The following BACH2 variants were observed in gnomAD, a reference collection of about 807,000 sequenced individuals.
BACH2 encodes the protein BACH transcriptional regulator 2, also known as transcription regulator protein BACH2.
A neutral mutation model predicts 61.8 loss-of-function variants in BACH2; 5 were observed. That is an observed-to-expected ratio of 0.08 (90% CI 0.04 to 0.17). BACH2 has a LOEUF of 0.17. Ranked by LOEUF, BACH2 falls within the 10% of genes least tolerant of loss-of-function variation. The pLI, the probability that BACH2 is intolerant of heterozygous loss-of-function variation, is 1.00. For missense variants in BACH2, 824 were observed against 1,091.1 expected, an observed-to-expected ratio of 0.76 and a Z score of 3.45; for synonymous variants, 446 against 440.1, an observed-to-expected ratio of 1.01 and a Z score of -0.17.
chr6:90,145,078 G>A (rs1303515234), intron 4 of BACH2, among the ~76,000 whole-genome samples: 2 of 152,154 alleles, frequency 1.3e-5, no homozygotes, highest in African/African-American at 2.4e-5. Flanking sequence ...TGAGATTATG[G>A]TGGTGATTGC....
intron 6 of BACH2, among the ~76,000 whole-genome samples, chr6:89,964,087 G>C (rs577844123): frequency 1.3e-5 from 2 of 152,054 alleles, no homozygotes; most frequent in African/African-American, 4.8e-5. Flanking sequence ...GGATAGCATC[G>C]GGAGATATAC....
chr6:90,150,162 C>A (rs193172225), intron 4 of BACH2, among the ~76,000 whole-genome samples: 1 of 152,222 alleles, frequency 6.6e-6, no homozygotes, highest in Admixed American at 6.5e-5. Context: ...GATAAGCAAC[C>A]AAGCCCACCC....
chr6:89,984,660 G>A (rs1776142883), intron 6 of BACH2, among the ~76,000 whole-genome samples: 1 of 152,138 alleles, frequency 6.6e-6, no homozygotes, highest in Non-Finnish European at 1.5e-5. Context: ...TCTTTGAGTA[G>A]AGATTATACA....
intron 5 of BACH2, among the ~76,000 whole-genome samples, chr6:90,065,269 A>C (rs910492977): frequency 0.031 from 676 of 21,700 alleles, no homozygotes; most frequent in Admixed American, 0.046. Flanking sequence ...TGCCGCCCCC[A>C]CTTTTTTTTT....
At chr6:90,005,168 G>A (rs1222170175) in intron 6 of BACH2, among the ~76,000 whole-genome samples, 13 of 152,086 alleles carry the variant, frequency 8.5e-5, no homozygotes, top group Admixed American at 7.9e-4. Context: ...GTCGCTGGAC[G>A]GCAGATCTGG....
At chr6:90,133,576 A>G (rs901019501) in intron 4 of BACH2, among the ~76,000 whole-genome samples, 6 of 152,060 alleles carry the variant, frequency 3.9e-5, no homozygotes, top group Non-Finnish European at 4.4e-5. Context: ...GTTTTAGGGT[A>G]CATGTGCACA....
At chr6:90,289,305 T>C (rs556475334) in intron 1 of BACH2, among the ~76,000 whole-genome samples, 1 of 152,240 alleles carries the variant, frequency 6.6e-6, no homozygotes, top group South Asian at 2.1e-4. Context: ...AGTTCTACCA[T>C]TCATTAGCTG....
intron 4 of BACH2, among the ~76,000 whole-genome samples, chr6:90,131,221 T>A (rs1418982823): frequency 6.6e-6 from 1 of 152,204 alleles, no homozygotes; most frequent in Non-Finnish European, 1.5e-5. Flanking sequence ...GACATGTGGA[T>A]GAGAAACATG....
intron 1 of BACH2, among the ~76,000 whole-genome samples, chr6:90,279,174 A>G (rs1178334521): frequency 6.6e-6 from 1 of 152,146 alleles, no homozygotes; most frequent in African/African-American, 2.4e-5. Flanking sequence ...AAAATCTAAA[A>G]TCGAACAAAC....
intron 4 of BACH2, among the ~76,000 whole-genome samples, chr6:90,097,521 C>A (rs1782429294): frequency 6.6e-6 from 1 of 152,198 alleles, no homozygotes; most frequent in African/African-American, 2.4e-5. Context: ...ACCCCATACA[C>A]ACTTTGCCCT....
chr6:90,053,878 A>T (rs1344924207), intron 5 of BACH2, among the ~76,000 whole-genome samples: 1 of 152,168 alleles, frequency 6.6e-6, no homozygotes, highest in Non-Finnish European at 1.5e-5. Context: ...CAGTTTTACT[A>T]CGGTATAAAA....
At chr6:90,156,361 C>T (rs924598429) in intron 4 of BACH2, among the ~76,000 whole-genome samples, 8 of 152,120 alleles carry the variant, frequency 5.3e-5, no homozygotes, top group African/African-American at 1.4e-4. Context: ...GTGCTACTTG[C>T]CCAGGGTGGT....
intron 7 of BACH2, among the ~76,000 whole-genome samples, chr6:89,938,861 G>A (rs1773196024): frequency 6.6e-6 from 1 of 152,106 alleles, no homozygotes; most frequent in Non-Finnish European, 1.5e-5. Flanking sequence ...ACTTGGATAG[G>A]CTTCACTAGC....
At chr6:90,063,192 GTAAT>G (rs1188287489) in intron 5 of BACH2, among the ~76,000 whole-genome samples, 5 of 152,272 alleles carry the variant, frequency 3.3e-5, no homozygotes, top group African/African-American at 1.2e-4. Context: ...TTCAGATGAG[GTAAT>G]TAATTAAGTG....
At chr6:89,940,890 G>A (rs1773388400) in intron 7 of BACH2, among the ~76,000 whole-genome samples, 1 of 149,026 alleles carries the variant, frequency 6.7e-6, no homozygotes, top group Non-Finnish European at 1.5e-5. Context: ...CAAATCCAAA[G>A]CACATTTTAT....
intron 4 of BACH2, among the ~76,000 whole-genome samples, chr6:90,156,251 T>C (rs1009910987): frequency 2.6e-5 from 4 of 152,194 alleles, no homozygotes. Context: ...TACTTTTGTA[T>C]AGCACTTCCC....
chr6:90,038,483 T>C (rs1779372379), intron 5 of BACH2, among the ~76,000 whole-genome samples: 1 of 152,094 alleles, frequency 6.6e-6, no homozygotes, highest in African/African-American at 2.4e-5. Flanking sequence ...TGTATAAGAG[T>C]GGTTTCTTCT....
intron 5 of BACH2, among the ~76,000 whole-genome samples, chr6:90,069,369 TGA>T (rs749353509): frequency 6.6e-6 from 1 of 152,146 alleles, no homozygotes; most frequent in Non-Finnish European, 1.5e-5. Context: ...CCCCTTTCAA[TGA>T]GAGAGGATGT....
rs370770646 is a variant in BACH2, at chr6:89,947,589, A to G, written c.1836+2681T>C. Among the ~76,000 whole-genome samples, 91 of 150,994 alleles carry G rather than the reference A, an allele frequency of 6.0e-4. 1 individual carries two copies. Among genetic ancestry groups the G allele is most frequent in the East Asian group, 4.3e-3 (22 of 5,132 alleles). On this transcript the variant is annotated intron_variant, in intron 7 of 8. Coordinates refer to ENST00000257749, the MANE Select transcript of BACH2 (RefSeq NM_021813.4). Reference sequence around the variant, plus strand: ...TTCTTTCTTTTTTTTTTTTTGAGACAGAGTCTCGCTCTGTCACCCAGGCAG... The same window carrying G: ...TTCTTTCTTTTTTTTTTTTTGAGACGGAGTCTCGCTCTGTCACCCAGGCAG...
Sources: gnomAD v4.1 joint callset for allele counts (sites outside exome capture counted in the v4.1 genomes callset) on GRCh38, gnomAD v4.1.1 for gene constraint, MANE v1.5 for transcripts, NCBI Gene and HGNC (gene_info 2026-07-23, HGNC 2026-07-21) for gene names.